KDM4C: variants seen among roughly 807,000 people sequenced by gnomAD.
The protein encoded by KDM4C is lysine-specific demethylase 4C.
KDM4C carries 81 observed loss-of-function variants against 129.3 expected under a neutral mutation model. The ratio of observed to expected loss-of-function variants is 0.63; its 90% CI spans 0.52 to 0.75. The LOEUF (loss-of-function observed/expected upper bound fraction) is 0.75, where lower values mean the gene tolerates loss of function less well. Ranked by LOEUF, KDM4C falls within the 30% of genes least tolerant of loss-of-function variation. KDM4C has a pLI of 0.00. For missense variants in KDM4C, 1,457 were observed against 1,304.0 expected (o/e 1.12, Z -1.81); for synonymous variants, 573 against 456.1 (o/e 1.26, Z -3.26).
chr9:6,838,789 A>G (rs1315277388), intron 4 of KDM4C, among the ~76,000 whole-genome samples: 1 of 152,234 alleles, frequency 6.6e-6, no homozygotes, highest in Non-Finnish European at 1.5e-5. Context: ...AAAAGCTATC[A>G]TGTCAAACAT....
chr9:7,159,607 A>C (rs1843559283), intron 19 of KDM4C, among the ~76,000 whole-genome samples: 1 of 152,152 alleles, frequency 6.6e-6, no homozygotes, highest in South Asian at 2.1e-4. Flanking sequence ...GTTTGGCTGG[A>C]TATGAAATTC....
chr9:7,037,638 A>G (rs1318413304), intron 15 of KDM4C, among the ~76,000 whole-genome samples: 2 of 152,196 alleles, frequency 1.3e-5, no homozygotes, highest in African/African-American at 2.4e-5. Context: ...TGTCAGTGGT[A>G]TTAGGTGAGC....
chr9:6,885,282 G>GT (rs1286163540), intron 6 of KDM4C, among the ~76,000 whole-genome samples: 1 of 152,086 alleles, frequency 6.6e-6, no homozygotes, highest in South Asian at 2.1e-4. Flanking sequence ...GTGTAGACTT[G>GT]TTTTTTGCTT....
intron 17 of KDM4C, among the ~76,000 whole-genome samples, chr9:7,086,013 C>T (rs936893332): frequency 6.6e-6 from 1 of 152,098 alleles, no homozygotes; most frequent in African/African-American, 2.4e-5. Context: ...AAAACATTAG[C>T]CAGGCATAGT....
chr9:7,000,796 A>G (rs1820589204), intron 12 of KDM4C, among the ~76,000 whole-genome samples: 1 of 152,208 alleles, frequency 6.6e-6, no homozygotes, highest in Non-Finnish European at 1.5e-5. Flanking sequence ...GAATTAGCAC[A>G]TATTTTGGTA....
At chr9:7,059,438 T>A (rs1831312581) in intron 17 of KDM4C, among the ~76,000 whole-genome samples, 1 of 152,192 alleles carries the variant, frequency 6.6e-6, no homozygotes, top group Non-Finnish European at 1.5e-5. Flanking sequence ...ATGCATGATG[T>A]TACCAAATTA....
At chr9:6,735,146 C>A in intron 1 of KDM4C, 1 of 238,994 alleles carries the variant, frequency 4.2e-6, no homozygotes, top group East Asian at 1.1e-4. Flanking sequence ...ACACCTGTCC[C>A]CGCCCCCACC....
Position 7,013,862 on chromosome 9 carries a change from G to C in KDM4C, c.2043G>C (p.Lys681Asn). 1 of 1,614,034 alleles carries C rather than the reference G, an allele frequency of 6.2e-7. No individual in the cohort carries two copies. Among genetic ancestry groups the C allele is most frequent in the Non-Finnish European group, 8.5e-7 (1 of 1,179,902 alleles). The stretch of plus-strand genomic sequence containing the variant: ...ATGAAGTCGTTACATCGGAGGGAAA[G>C]ACTAAGCCCCTCATACCAGAGATGT... ...KLDEVVTSEGKTKPLIPEMCF... is the reference protein window; with the variant it reads ...KLDEVVTSEGNTKPLIPEMCF... Residue 681 changes from lysine (K) to asparagine (N), a missense_variant, in exon 14 of 22, where the codon AAG becomes AAC. Transcript: ENST00000381309.
At position 6,794,325 on chromosome 9, in the gene KDM4C, G is replaced by C. The variant is rs559959612; in HGVS notation, c.144+1193G>C. On this transcript the variant is annotated intron_variant, in intron 2 of 21. Coordinates refer to ENST00000381309, the MANE Select transcript of KDM4C (RefSeq NM_015061.6). ...AATAAACCAGTCTTTTCAAGATATGGGGACAGAAAGAATAGCAAGTCCAGC... is the reference window on the plus strand; with the variant it reads ...AATAAACCAGTCTTTTCAAGATATGCGGACAGAAAGAATAGCAAGTCCAGC... 5.3e-5 allele frequency among the ~76,000 whole-genome samples: 8 copies of C among 152,316 alleles called. No individual in the cohort carries two copies. In the East Asian group the frequency reaches 1.5e-3, roughly 29 times the overall value.
intron 18 of KDM4C, among the ~76,000 whole-genome samples, chr9:7,122,370 C>T (rs111875549): frequency 3.3e-5 from 5 of 152,154 alleles, no homozygotes; most frequent in African/African-American, 1.2e-4. Flanking sequence ...CCCCGTGATC[C>T]AGTCACCTCC....
intron 1 of KDM4C, chr9:6,748,754 C>G: frequency 6.8e-7 from 1 of 1,479,176 alleles, no homozygotes; most frequent in Non-Finnish European, 9.4e-7. Context: ...TTAGCATGAT[C>G]CGACCCAGTT....
At chr9:6,845,690 G>T (rs1429152612) in intron 4 of KDM4C, among the ~76,000 whole-genome samples, 1 of 152,206 alleles carries the variant, frequency 6.6e-6, no homozygotes, top group Non-Finnish European at 1.5e-5. Flanking sequence ...GGCAGGACAG[G>T]CTCCAACTGG....
At chr9:7,168,961 C>G (rs1296824556) in intron 20 of KDM4C, among the ~76,000 whole-genome samples, 1 of 149,744 alleles carries the variant, frequency 6.7e-6, no homozygotes, top group East Asian at 2.0e-4. Flanking sequence ...GGGAGGATTG[C>G]TTGAGCCTGG....
At chr9:7,063,964 G>T (rs1181754346) in intron 17 of KDM4C, among the ~76,000 whole-genome samples, 1 of 152,216 alleles carries the variant, frequency 6.6e-6, no homozygotes, top group Non-Finnish European at 1.5e-5. Flanking sequence ...GTCTTTTGGA[G>T]CTGTGCTGTC....
intron 1 of KDM4C, among the ~76,000 whole-genome samples, chr9:6,751,540 G>T (rs558315606): frequency 6.6e-6 from 1 of 152,146 alleles, no homozygotes; most frequent in South Asian, 2.1e-4. Flanking sequence ...ACATTGCAAA[G>T]GATCATGGGA....
intron 17 of KDM4C, among the ~76,000 whole-genome samples, chr9:7,057,900 T>G (rs1046303014): frequency 7.2e-5 from 11 of 152,212 alleles, no homozygotes; most frequent in Non-Finnish European, 1.6e-4. Flanking sequence ...TGCTTCATTT[T>G]GAGCACGGAC....
chr9:6,795,670 T>A (rs998256519), intron 2 of KDM4C, among the ~76,000 whole-genome samples: 11 of 151,778 alleles, frequency 7.2e-5, no homozygotes, highest in East Asian at 5.8e-4. Flanking sequence ...CTAGAAAATT[T>A]TTTTTTTTTC....
intron 17 of KDM4C, among the ~76,000 whole-genome samples, chr9:7,097,983 T>G (rs1425814413): frequency 2.0e-5 from 3 of 152,244 alleles, no homozygotes; most frequent in Admixed American, 6.5e-5. Context: ...GCTTAAAAGG[T>G]GCTTCCGCAA....
intron 19 of KDM4C, among the ~76,000 whole-genome samples, chr9:7,129,604 A>G (rs1840397743): frequency 6.6e-6 from 1 of 152,042 alleles, no homozygotes; most frequent in South Asian, 2.1e-4. Context: ...GGTGCTGGAA[A>G]CATAAAGAGA....
Sources: gnomAD v4.1 joint callset for allele counts (sites outside exome capture counted in the v4.1 genomes callset) on GRCh38, gnomAD v4.1.1 for gene constraint, MANE v1.5 for transcripts, NCBI Gene and HGNC (gene_info 2026-07-23, HGNC 2026-07-21) for gene names.